The following HIBCH variants were observed in gnomAD, a reference collection of about 807,000 sequenced individuals.
The protein encoded by HIBCH is 3-hydroxyisobutyryl-CoA hydrolase, mitochondrial.
HIBCH carries 50 observed loss-of-function variants against 58.2 expected under a neutral mutation model. The ratio of observed to expected loss-of-function variants is 0.86; its 90% CI spans 0.68 to 1.09. The LOEUF (loss-of-function observed/expected upper bound fraction) is 1.09. HIBCH is among the 50% of genes least tolerant of loss of function. The pLI, the probability that HIBCH is intolerant of heterozygous loss-of-function variation, is 0.00. For synonymous variants in HIBCH, 151 were observed against 146.9 expected (o/e 1.03, Z -0.20); for missense variants, 450 against 449.7 (o/e 1.00, Z -0.01).
intron 4 of HIBCH, among the ~76,000 whole-genome samples, 180 bp from the exon 5 acceptor site, chr2:190,290,665 AT>A (rs1211358889): frequency 6.6e-6 from 1 of 152,204 alleles, no homozygotes; most frequent in East Asian, 1.9e-4. Context: ...CCATAGTCCA[AT>A]GTCAAAGCTT....
chr2:190,194,477 TACACACACACACACAC>T (rs3083429), intron 1 of HIBCH, among the ~76,000 whole-genome samples: 90 of 141,474 alleles, frequency 6.4e-4, no homozygotes, highest in South Asian at 1.8e-3. Flanking sequence ...ATCCTGTGTA[TACACACACACACACAC>T]ACACACACAC....
chr2:190,285,953 T>C (rs532004664), intron 6 of HIBCH, among the ~76,000 whole-genome samples: 1 of 152,306 alleles, frequency 6.6e-6, no homozygotes, highest in East Asian at 1.9e-4. Context: ...GCAATTCTCG[T>C]GCCTCAGCCT....
intron 11 of HIBCH, among the ~76,000 whole-genome samples, chr2:190,231,225 A>C (rs1183625701): frequency 1.3e-5 from 2 of 152,232 alleles, no homozygotes; most frequent in Non-Finnish European, 2.9e-5. Context: ...TGTGAGATAG[A>C]TCTAGACCTA....
intron 7 of HIBCH, among the ~76,000 whole-genome samples, chr2:190,256,154 T>G (rs1001068120): frequency 6.6e-6 from 1 of 152,068 alleles, no homozygotes; most frequent in African/African-American, 2.4e-5. Flanking sequence ...TCCTACCAGA[T>G]CTCTCCCTGG....
chr2:190,209,039 G>A lies in HIBCH; in HGVS notation c.1012-126C>T. The A allele has an allele frequency of 1.3e-6, 1 of 799,554 alleles. No individual in the cohort carries two copies. Among genetic ancestry groups the A allele is most frequent in the East Asian group, 2.7e-5 (1 of 37,626 alleles). 49.5% of individuals were successfully genotyped at this position (799,554 alleles called of 1,614,324 possible). A position where few individuals can be genotyped will look rare whatever the true frequency, so the allele number is the denominator to read the frequency against. ...CACAACCTGAACCATGACATTCAGA[G>A]ACTGAACCACCTCTGATAGCCCACT... On this transcript the variant is annotated intron_variant, in intron 12 of 13. Coordinates refer to ENST00000359678, the MANE Select transcript of HIBCH (RefSeq NM_014362.4). This position sits in a 1 kb window ranked among gnomAD's most constrained non-coding sequence, Gnocchi z 5.6.
intron 10 of HIBCH, 129 bp from the exon 11 acceptor site, chr2:190,245,097 A>G: frequency 1.4e-6 from 1 of 695,668 alleles, no homozygotes; most frequent in Non-Finnish European, 2.6e-6. Context: ...CCTCTTTAAC[A>G]GGACGTGAAA....
rs74407425 is a variant in HIBCH, at chr2:190,217,744, G to T, written c.892-4669C>A. Among the ~76,000 whole-genome samples, 1 of 152,104 alleles carries T rather than the reference G, an allele frequency of 6.6e-6. No individual in the cohort carries two copies. The highest frequency in any genetic ancestry group is 2.4e-5 in the African/African-American group (1 of 41,414). Reference sequence around the variant, plus strand: ...AGAAGACATGCTCCACCCAAGCTGGGAAAGTCCGTAACAAGTGCTCCTAAT... The same window carrying T: ...AGAAGACATGCTCCACCCAAGCTGGTAAAGTCCGTAACAAGTGCTCCTAAT... On this transcript the variant is annotated intron_variant, in intron 11 of 13. Coordinates refer to ENST00000359678, the MANE Select transcript of HIBCH (RefSeq NM_014362.4). The surrounding 1 kb of genome is among the most constrained non-coding windows in gnomAD (Gnocchi z 4.6).
At chr2:190,191,051 CTT>C (rs1424531494) in intron 1 of HIBCH, among the ~76,000 whole-genome samples, 1 of 152,146 alleles carries the variant, frequency 6.6e-6, no homozygotes, top group South Asian at 2.1e-4. Context: ...ATCAGCATGC[CTT>C]TGAGTCATCC....
chr2:190,248,733 C>T (rs1178175956), intron 9 of HIBCH, among the ~76,000 whole-genome samples: 7 of 152,004 alleles, frequency 4.6e-5, no homozygotes, highest in Non-Finnish European at 1.0e-4. Context: ...TGGTAGCACA[C>T]GCCTGTAATC....
intron 8 of HIBCH, chr2:190,251,591 T>G (rs186097541): frequency 3.7e-5 from 16 of 435,080 alleles, no homozygotes; most frequent in Admixed American, 7.7e-5. Context: ...CAAAAGAGGC[T>G]AAGTTCCAAT....
At chr2:190,196,178 G>T (rs1228802171) in intron 1 of HIBCH, among the ~76,000 whole-genome samples, 3 of 151,724 alleles carry the variant, frequency 2.0e-5, no homozygotes, top group Non-Finnish European at 4.4e-5. Flanking sequence ...TCTTCTTCTG[G>T]GTTAAACGTA....
chr2:190,252,340 T>C, intron 7 of HIBCH, 33 bp from the exon 8 acceptor site: 1 of 1,578,910 alleles, frequency 6.3e-7, no homozygotes, highest in Non-Finnish European at 8.7e-7. Context: ...GAGATAATGG[T>C]GATTCAAATG....
intron 9 of HIBCH, among the ~76,000 whole-genome samples, chr2:190,248,330 A>G (rs1686667797): frequency 6.6e-6 from 1 of 152,096 alleles, no homozygotes; most frequent in Non-Finnish European, 1.5e-5. Context: ...TTCAACGTCT[A>G]TGGGTTTTTT....
At chr2:190,295,007 G>A (rs1471610163) in intron 3 of HIBCH, among the ~76,000 whole-genome samples, 1 of 152,164 alleles carries the variant, frequency 6.6e-6, no homozygotes, top group African/African-American at 2.4e-5. Flanking sequence ...AAAGACTGCT[G>A]ATAAATATAG....
At chr2:190,199,774 C>T (rs570591728), downstream of HIBCH, 29 of 1,552,926 alleles carry the variant, frequency 1.9e-5, no homozygotes, top group African/African-American at 3.0e-4. Flanking sequence ...CACTGGTCAA[C>T]ATCACATGGA....
intron 6 of HIBCH, among the ~76,000 whole-genome samples, chr2:190,267,560 G>A (rs1029289371): frequency 5.3e-5 from 8 of 151,986 alleles, no homozygotes; most frequent in African/African-American, 1.9e-4. Flanking sequence ...GATAGGCAAA[G>A]GTTTGTTCCT....
chr2:190,232,173 C>T (rs1008161263), intron 11 of HIBCH, among the ~76,000 whole-genome samples: 8 of 152,050 alleles, frequency 5.3e-5, no homozygotes, highest in Non-Finnish European at 1.2e-4. Context: ...CCAGCCCGGG[C>T]AACAGAGCAA....
intron 10 of HIBCH, among the ~76,000 whole-genome samples, chr2:190,245,539 C>A: frequency 6.6e-6 from 1 of 151,670 alleles, no homozygotes; most frequent in East Asian, 1.9e-4. Flanking sequence ...GATGAATTTA[C>A]AAAAATAAAA....
At chr2:190,292,856 T>G (rs911656620) in intron 4 of HIBCH, among the ~76,000 whole-genome samples, 4 of 152,216 alleles carry the variant, frequency 2.6e-5, no homozygotes, top group African/African-American at 9.7e-5. Flanking sequence ...TGATCTAATT[T>G]TTATTCTAAT....
Sources: gnomAD v4.1 joint callset for allele counts (sites outside exome capture counted in the v4.1 genomes callset) on GRCh38, gnomAD v4.1.1 for gene constraint, Gnocchi (gnomAD v3.1) non-coding constraint, MANE v1.5 for transcripts, NCBI Gene and HGNC (gene_info 2026-07-23, HGNC 2026-07-21) for gene names.